The following DCHS2 variants were observed in gnomAD, a reference collection of about 807,000 sequenced individuals.
DCHS2 encodes protocadherin-23.
DCHS2 carries 142 observed loss-of-function variants against 182.4 expected under a neutral mutation model. The ratio of observed to expected loss-of-function variants is 0.78; its 90% CI spans 0.68 to 0.89. DCHS2 has a LOEUF of 0.89. Ranked by LOEUF, DCHS2 falls within the 40% of genes least tolerant of loss-of-function variation. The pLI, the probability that DCHS2 is intolerant of heterozygous loss-of-function variation, is 0.00. For missense variants in DCHS2, 4,319 were observed against 4,198.6 expected (o/e 1.03, Z -0.79); for synonymous variants, 1,740 against 1,663.3 (o/e 1.05, Z -1.12).
At chr4:154,307,381 G>T (rs1463226013) in intron 10 of DCHS2, among the ~76,000 whole-genome samples, 1 of 151,910 alleles carries the variant, frequency 6.6e-6, no homozygotes, top group African/African-American at 2.4e-5. Flanking sequence ...GTGTATATAT[G>T]CCCATACCTA....
chr4:154,331,757 A>C, intron 5 of DCHS2: 1 of 1,577,518 alleles, frequency 6.3e-7, no homozygotes, highest in Non-Finnish European at 8.6e-7. Context: ...CAGCTCCATG[A>C]CTTTGGGTGT....
intron 1 of DCHS2, among the ~76,000 whole-genome samples, chr4:154,459,456 C>T (rs904204354): frequency 6.6e-6 from 1 of 152,090 alleles, no homozygotes; most frequent in Non-Finnish European, 1.5e-5. Flanking sequence ...CTCTTCTCTT[C>T]TCAATGAAAG....
chr4:154,300,673 C>G (rs983715578), intron 12 of DCHS2, among the ~76,000 whole-genome samples: 3 of 151,654 alleles, frequency 2.0e-5, no homozygotes, highest in African/African-American at 7.3e-5. Flanking sequence ...GTGAATGCAC[C>G]ACTGCACAGC....
chr4:154,393,992 A>G (rs1375608956), intron 1 of DCHS2, among the ~76,000 whole-genome samples: 3 of 152,158 alleles, frequency 2.0e-5, no homozygotes, highest in Non-Finnish European at 4.4e-5. Context: ...TCTAAGTAAG[A>G]TTTATCATGC....
At chr4:154,488,460 G>C (rs916963238) in intron 1 of DCHS2, among the ~76,000 whole-genome samples, 1 of 152,110 alleles carries the variant, frequency 6.6e-6, no homozygotes, top group Non-Finnish European at 1.5e-5. Flanking sequence ...TGTAAGCTTC[G>C]AAGGAAGGTA....
intron 1 of DCHS2, among the ~76,000 whole-genome samples, chr4:154,472,767 AACAC>A (rs913029849): frequency 6.6e-6 from 1 of 151,796 alleles, no homozygotes; most frequent in Non-Finnish European, 1.5e-5. Context: ...ACAATACACA[AACAC>A]ACACACAAAC....
intron 1 of DCHS2, among the ~76,000 whole-genome samples, chr4:154,446,597 C>T (rs1190556799): frequency 6.6e-6 from 1 of 152,086 alleles, no homozygotes; most frequent in Non-Finnish European, 1.5e-5. Context: ...TTATGACCTG[C>T]CTGAGATCAT....
intron 1 of DCHS2, among the ~76,000 whole-genome samples, chr4:154,476,829 T>C (rs142922327): frequency 1.1e-4 from 17 of 152,318 alleles, no homozygotes; most frequent in Admixed American, 4.6e-4. Context: ...AGAGATATTA[T>C]CTTTACTATT....
At chr4:154,267,559 G>C (rs1733341351) in intron 14 of DCHS2, among the ~76,000 whole-genome samples, 1 of 152,040 alleles carries the variant, frequency 6.6e-6, no homozygotes, top group Non-Finnish European at 1.5e-5. Context: ...AGAGCATGTG[G>C]GTTCTTCACT....
chr4:154,403,996 C>T (rs1021460610), intron 1 of DCHS2, among the ~76,000 whole-genome samples: 20 of 151,936 alleles, frequency 1.3e-4, no homozygotes, highest in Admixed American at 6.6e-4. Flanking sequence ...ATGCTTGCTA[C>T]GGGCTTATCA....
chr4:154,335,882 G>T (rs1196992841), intron 3 of DCHS2, among the ~76,000 whole-genome samples: 1 of 151,972 alleles, frequency 6.6e-6, no homozygotes, highest in Non-Finnish European at 1.5e-5. Context: ...TCTTCTTTAG[G>T]GCTTACCATA....
intron 16 of DCHS2, among the ~76,000 whole-genome samples, chr4:154,253,481 A>C (rs1257862629): frequency 6.6e-6 from 1 of 152,228 alleles, no homozygotes; most frequent in African/African-American, 2.4e-5. Flanking sequence ...AGTTCTTAGA[A>C]CATGGCAGAC....
At chr4:154,280,828 CTTT>C (rs547237868) in intron 13 of DCHS2, among the ~76,000 whole-genome samples, 1 of 139,964 alleles carries the variant, frequency 7.1e-6, no homozygotes, top group Non-Finnish European at 1.6e-5. Context: ...ATGCTCACTT[CTTT>C]TTTTTTTTTT....
At chr4:154,397,903 A>G (rs1339751314) in intron 1 of DCHS2, among the ~76,000 whole-genome samples, 1 of 152,014 alleles carries the variant, frequency 6.6e-6, no homozygotes, top group Non-Finnish European at 1.5e-5. Context: ...AAAATCTCAG[A>G]ATATCTGCTC....
rs34718837 is a variant in DCHS2 at position 154,307,441 on chromosome 4, GCACA to G, written c.5261-2214_5261-2211del. On this transcript the variant is annotated intron_variant, in intron 10 of 19. Transcript: ENST00000357232. ...TACACACATACACAGATGTGCGCGC[GCACA>G]CACACACACACACACACACATATCT... Among the ~76,000 whole-genome samples, 582 of 149,718 alleles carry G rather than the reference GCACA, an allele frequency of 3.9e-3. 14 individuals are homozygous for G. In the South Asian group the frequency reaches 0.057, roughly 15 times the overall value.
At chr4:154,333,768 A>C in intron 4 of DCHS2, 1 of 424,738 alleles carries the variant, frequency 2.4e-6, no homozygotes, top group Non-Finnish European at 4.2e-6. Flanking sequence ...GGAGCAATCG[A>C]CTGTAACATT....
intron 3 of DCHS2, among the ~76,000 whole-genome samples, chr4:154,361,139 A>C (rs1286620076): frequency 2.6e-5 from 4 of 152,202 alleles, no homozygotes; most frequent in Non-Finnish European, 5.9e-5. Context: ...AAAAAGAGAT[A>C]AACCACAAGA....
Position 154,474,016 on chromosome 4 carries a change from A to G in DCHS2, c.2052+15288T>C, listed in dbSNP as rs553799382. Among the ~76,000 whole-genome samples, 40 of 152,328 alleles carry G rather than the reference A, an allele frequency of 2.6e-4. No homozygotes were observed. In the East Asian group the frequency reaches 6.0e-3, roughly 23 times the overall value. ...CCGATATTAAAGGTAAGTAGGTATC[A>G]GCAGGGCCATGCTCCCTCCAAGGGC... is the stretch of plus-strand genomic sequence containing the variant. On this transcript the variant is annotated intron_variant, in intron 1 of 19. Coordinates refer to ENST00000357232, the MANE Select transcript of DCHS2 (RefSeq NM_001358235.2).
chr4:154,419,178 T>C (rs540505005), intron 1 of DCHS2, among the ~76,000 whole-genome samples: 169 of 152,350 alleles, frequency 1.1e-3, no homozygotes, highest in Non-Finnish European at 1.8e-3. Flanking sequence ...CTCAGTTTAC[T>C]TAGTAGTTGT....
Sources: allele counts gnomAD v4.1 joint callset (sites outside exome capture counted in the v4.1 genomes callset), GRCh38; gene constraint gnomAD v4.1.1; transcripts MANE v1.5; gene names NCBI Gene and HGNC (gene_info 2026-07-23, HGNC 2026-07-21).